The following EDIL3 variants were observed in gnomAD, a reference collection of about 807,000 sequenced individuals.
EDIL3 encodes EGF-like repeat and discoidin I-like domain-containing protein 3.
In EDIL3, 37 loss-of-function variants were observed where a neutral mutation model predicts 67.4. The ratio of observed to expected loss-of-function variants is 0.55; its 90% CI spans 0.42 to 0.72. EDIL3 has a LOEUF of 0.72. EDIL3 is among the 30% of genes least tolerant of loss of function. EDIL3 has a pLI of 0.00. For missense variants in EDIL3, 527 were observed against 586.3 expected (o/e 0.90, Z 1.04); for synonymous variants, 195 against 196.3 (o/e 0.99, Z 0.05).
chr5:83,974,795 A>T (rs1014523736), intron 9 of EDIL3, among the ~76,000 whole-genome samples: 85 of 152,052 alleles, frequency 5.6e-4, no homozygotes, highest in African/African-American at 1.9e-3. Flanking sequence ...TATATATCTT[A>T]TGTATATTCT....
Position 84,074,603 on chromosome 5 carries a change from C to A in EDIL3, c.652-7997G>T, listed in dbSNP as rs1024356483. ...GCCAAAAGACACATGAAAAAATGCT[C>A]ACCATCACTGGCCATCAGCGAAATG... is the stretch of plus-strand genomic sequence containing the variant. On this transcript the variant is annotated intron_variant, in intron 6 of 10. Transcript: ENST00000296591. Among the ~76,000 whole-genome samples the A allele has an allele frequency of 1.9e-3, 292 of 151,880 alleles. 1 individual carries two copies. The highest frequency in any genetic ancestry group is 3.2e-3 in the Non-Finnish European group (216 of 67,872).
chr5:84,125,906 C>G (rs866009217), intron 5 of EDIL3, among the ~76,000 whole-genome samples: 1 of 151,940 alleles, frequency 6.6e-6, no homozygotes, highest in Admixed American at 6.6e-5. Context: ...CCCTGAGCAG[C>G]AGGTGATGGG....
chr5:84,207,294 C>T (rs1433999927), intron 3 of EDIL3, among the ~76,000 whole-genome samples: 2 of 152,108 alleles, frequency 1.3e-5, no homozygotes, highest in Non-Finnish European at 2.9e-5. Flanking sequence ...CTCCCATTCA[C>T]AATTACTTCA....
intron 1 of EDIL3, among the ~76,000 whole-genome samples, chr5:84,285,257 AG>A (rs1191741112): frequency 1.3e-5 from 2 of 152,240 alleles, no homozygotes; most frequent in Non-Finnish European, 2.9e-5. Flanking sequence ...TCATTAATTA[AG>A]TAAAGTACAT....
chr5:84,322,394 A>T (rs967860578), intron 1 of EDIL3, among the ~76,000 whole-genome samples: 2 of 152,084 alleles, frequency 1.3e-5, no homozygotes, highest in Non-Finnish European at 2.9e-5. Context: ...AAGAACCAAA[A>T]ATACATTCTA....
At chr5:84,260,864 T>C (rs149897289) in intron 1 of EDIL3, among the ~76,000 whole-genome samples, 1 of 152,334 alleles carries the variant, frequency 6.6e-6, no homozygotes, top group Non-Finnish European at 1.5e-5. Flanking sequence ...CACAGAATGT[T>C]ACCTCACTAA....
chr5:84,281,526 G>A (rs1745703016), intron 1 of EDIL3, among the ~76,000 whole-genome samples: 1 of 152,176 alleles, frequency 6.6e-6, no homozygotes, highest in Admixed American at 6.5e-5. Context: ...TCTAATCAGT[G>A]CTTAAAAATG....
intron 9 of EDIL3, among the ~76,000 whole-genome samples, chr5:83,980,094 G>A (rs1744943393): frequency 6.6e-6 from 1 of 152,090 alleles, no homozygotes; most frequent in South Asian, 2.1e-4. Context: ...GAGACTCTGA[G>A]CAACTCAGCA....
chr5:84,151,895 C>A (rs182017736), intron 4 of EDIL3, among the ~76,000 whole-genome samples: 183 of 150,498 alleles, frequency 1.2e-3, no homozygotes, highest in African/African-American at 4.2e-3. Flanking sequence ...TTTTCTAGTT[C>A]TCTTTGCTGC....
intron 1 of EDIL3, among the ~76,000 whole-genome samples, chr5:84,303,860 G>A (rs1252769020): frequency 6.7e-6 from 1 of 150,274 alleles, no homozygotes; most frequent in African/African-American, 2.5e-5. Flanking sequence ...TTGTGTGTGT[G>A]TGTGTGTGCA....
At chr5:83,971,422 C>T (rs1744791183) in intron 9 of EDIL3, among the ~76,000 whole-genome samples, 1 of 151,674 alleles carries the variant, frequency 6.6e-6, no homozygotes, top group African/African-American at 2.4e-5. Flanking sequence ...GGGCATGCAC[C>T]TCCATGCCTG....
chr5:84,181,619 G>C (rs28461841), intron 3 of EDIL3, among the ~76,000 whole-genome samples: 83 of 152,170 alleles, frequency 5.5e-4, no homozygotes, highest in African/African-American at 2.0e-3. Context: ...GTGCATCACA[G>C]ACATTCCCCC....
chr5:84,273,238 C>T (rs1182696202), intron 1 of EDIL3, among the ~76,000 whole-genome samples: 2 of 152,158 alleles, frequency 1.3e-5, no homozygotes, highest in Non-Finnish European at 2.9e-5. Flanking sequence ...ATGCCAGATT[C>T]CTGACCCAAT....
chr5:84,130,206 C>T (rs1479969421), intron 5 of EDIL3, among the ~76,000 whole-genome samples: 1 of 152,122 alleles, frequency 6.6e-6, no homozygotes, highest in Non-Finnish European at 1.5e-5. Context: ...TTTTTGCCCT[C>T]ATGGCACTTA....
At chr5:84,380,310 T>C (rs1211763011) in intron 1 of EDIL3, among the ~76,000 whole-genome samples, 1 of 152,018 alleles carries the variant, frequency 6.6e-6, no homozygotes, top group Non-Finnish European at 1.5e-5. Flanking sequence ...AACTGAATAA[T>C]AGGAATGGCT....
chr5:83,998,843 G>A (rs1444002474), intron 9 of EDIL3, among the ~76,000 whole-genome samples: 1 of 152,166 alleles, frequency 6.6e-6, no homozygotes, highest in Non-Finnish European at 1.5e-5. Context: ...ACTGAGTACT[G>A]TGCCAGCTTC....
chr5:84,329,650 G>T (rs996123681), intron 1 of EDIL3, among the ~76,000 whole-genome samples: 1 of 151,562 alleles, frequency 6.6e-6, no homozygotes, highest in African/African-American at 2.4e-5. Flanking sequence ...AGTTACTATT[G>T]GTATTTTGCT....
intron 5 of EDIL3, among the ~76,000 whole-genome samples, chr5:84,125,710 C>T (rs1049110812): frequency 6.6e-6 from 1 of 151,966 alleles, no homozygotes; most frequent in Non-Finnish European, 1.5e-5. Context: ...ATACATAATC[C>T]TATGATTCTG....
intron 3 of EDIL3, among the ~76,000 whole-genome samples, chr5:84,197,783 G>A (rs1426975642): frequency 1.6e-4 from 25 of 152,022 alleles, no homozygotes; most frequent in Non-Finnish European, 2.9e-5. Context: ...AAGCCAGAAA[G>A]ATTTGCATAG....
Sources: allele counts gnomAD v4.1 joint callset (sites outside exome capture counted in the v4.1 genomes callset), GRCh38; gene constraint gnomAD v4.1.1; transcripts MANE v1.5; gene names NCBI Gene and HGNC (gene_info 2026-07-23, HGNC 2026-07-21).